SLC39A11: variants seen among roughly 807,000 people sequenced by gnomAD.
The protein encoded by SLC39A11 is zinc transporter ZIP11.
A neutral mutation model predicts 36.1 loss-of-function variants in SLC39A11; 33 were observed. The observed-to-expected ratio is 0.91, with a 90% CI of 0.69 to 1.22. The LOEUF is 1.22. Among genes scored for constraint, SLC39A11 ranks in the 50% most tolerant of loss-of-function variants. SLC39A11 has a pLI of 0.00. For synonymous variants in SLC39A11, 166 were observed against 170.3 expected (o/e 0.97, Z 0.20); for missense variants, 432 against 430.3 (o/e 1.00, Z -0.03).
chr17:73,078,491 T>C (rs2144676596), intron 3 of SLC39A11, among the ~76,000 whole-genome samples: 1 of 133,414 alleles, frequency 7.5e-6, no homozygotes, highest in Middle Eastern at 3.9e-3. Flanking sequence ...GTTTGTTTTT[T>C]GTTGTTTTTT....
intron 7 of SLC39A11, among the ~76,000 whole-genome samples, chr17:72,653,567 G>A (rs1256590403): frequency 6.6e-6 from 1 of 151,842 alleles, no homozygotes; most frequent in East Asian, 1.9e-4. Flanking sequence ...AGCCTCCCCA[G>A]TAGCTGGGAT....
intron 7 of SLC39A11, among the ~76,000 whole-genome samples, chr17:72,699,199 G>A (rs982778276): frequency 1.3e-5 from 2 of 152,036 alleles, no homozygotes; most frequent in Non-Finnish European, 1.5e-5. Flanking sequence ...GGCTTCCCTG[G>A]GCCACACTGG....
chr17:72,679,419 T>G (rs1037634897), intron 7 of SLC39A11, among the ~76,000 whole-genome samples: 1 of 152,160 alleles, frequency 6.6e-6, no homozygotes, highest in African/African-American at 2.4e-5. Flanking sequence ...AATAAAAGAA[T>G]AGTGCTTGAA....
At chr17:72,919,669 C>CA (rs35888661) in intron 5 of SLC39A11, among the ~76,000 whole-genome samples, 9,090 of 68,454 alleles carry the variant, frequency 0.13, 538 homozygotes, top group African/African-American at 0.17. Flanking sequence ...GAGAGTCCGT[C>CA]AAAAAAAAAA....
Position 73,059,603 on chromosome 17 carries a change from C to T in SLC39A11, c.147+25205G>A, listed in dbSNP as rs920207302. On this transcript the variant is annotated intron_variant, in intron 3 of 9. Transcript: ENST00000255559. ...CTGGGAAGCTGAGGTTACAGTAAGC[C>T]GAGATCGCGCCATTGCACTCCAGCC... is the stretch of plus-strand genomic sequence containing the variant. Among the ~76,000 whole-genome samples, 7 of 150,692 alleles carry T rather than the reference C, an allele frequency of 4.6e-5. No individual in the cohort carries two copies. In the East Asian group the frequency reaches 1.4e-3, roughly 29 times the overall value.
intron 4 of SLC39A11, among the ~76,000 whole-genome samples, chr17:72,968,152 T>C (rs1388392607): frequency 6.6e-6 from 1 of 152,088 alleles, no homozygotes; most frequent in African/African-American, 2.4e-5. Flanking sequence ...CTGATGCATG[T>C]CCAGAAAATT....
At chr17:72,931,189 C>A (rs960138033) in intron 5 of SLC39A11, among the ~76,000 whole-genome samples, 1 of 152,032 alleles carries the variant, frequency 6.6e-6, no homozygotes, top group East Asian at 1.9e-4. Flanking sequence ...GAGAGAGCTG[C>A]AAAGGAGTGA....
chr17:72,748,958 C>T (rs2075048767), intron 6 of SLC39A11, among the ~76,000 whole-genome samples: 1 of 152,218 alleles, frequency 6.6e-6, no homozygotes, highest in African/African-American at 2.4e-5. Flanking sequence ...ACCCTCCGGG[C>T]CTCTTTCTGC....
intron 6 of SLC39A11, among the ~76,000 whole-genome samples, chr17:72,794,809 T>G (rs2076839222): frequency 6.6e-6 from 1 of 152,062 alleles, no homozygotes; most frequent in Admixed American, 6.5e-5. Flanking sequence ...TTTTGCTGTA[T>G]AACAAGGTAC....
chr17:72,646,916 C>T lies in SLC39A11; in HGVS notation c.*668G>A, dbSNP rs2069585487. On this transcript the variant is annotated 3_prime_UTR_variant, in exon 10 of 10. Transcript: ENST00000255559. ...CTGTGAGTTCACAGTTGTCCTCATC[C>T]CCTTTCCTTCAATAATGTCAATCTT... 6.6e-6 allele frequency: 1 copy of T among 151,398 alleles called. No homozygotes were observed. The highest frequency in any genetic ancestry group is 2.1e-4 in the South Asian group (1 of 4,746). 9.4% of individuals were successfully genotyped at this position (151,398 alleles called of 1,614,324 possible).
intron 7 of SLC39A11, among the ~76,000 whole-genome samples, chr17:72,714,349 C>T (rs1474530752): frequency 6.6e-6 from 1 of 151,446 alleles, no homozygotes; most frequent in Non-Finnish European, 1.5e-5. Flanking sequence ...GAGTAAGGCT[C>T]TTTCTCTCTC....
intron 4 of SLC39A11, 21 bp downstream of exon 4, chr17:73,031,535 T>C (rs2058738174): frequency 6.2e-7 from 1 of 1,613,752 alleles, no homozygotes; most frequent in Non-Finnish European, 8.5e-7. Context: ...ATACGACAGC[T>C]AAAAGTAGAG....
intron 4 of SLC39A11, among the ~76,000 whole-genome samples, chr17:73,022,212 A>G (rs2058375703): frequency 6.6e-6 from 1 of 152,250 alleles, no homozygotes; most frequent in African/African-American, 2.4e-5. Flanking sequence ...ATATGGCAAG[A>G]AAGAGAGAGT....
intron 5 of SLC39A11, among the ~76,000 whole-genome samples, chr17:72,871,419 A>G (rs932924404): frequency 2.0e-5 from 3 of 152,138 alleles, no homozygotes; most frequent in Non-Finnish European, 2.9e-5. Flanking sequence ...CCTTTTGGAA[A>G]GCCCTTAAGG....
intron 6 of SLC39A11, among the ~76,000 whole-genome samples, chr17:72,799,521 T>C (rs2077013000): frequency 6.6e-6 from 1 of 152,150 alleles, no homozygotes; most frequent in Non-Finnish European, 1.5e-5. Flanking sequence ...CTAAATTCTT[T>C]TCCTAGCAAG....
intron 4 of SLC39A11, among the ~76,000 whole-genome samples, chr17:72,996,843 G>A (rs1204933085): frequency 6.6e-6 from 1 of 152,170 alleles, no homozygotes; most frequent in Admixed American, 6.5e-5. Flanking sequence ...CTTAGCCAGT[G>A]GTATGTGGAT....
chr17:72,937,700 C>T (rs1323555938), intron 5 of SLC39A11, among the ~76,000 whole-genome samples: 1 of 152,156 alleles, frequency 6.6e-6, no homozygotes, highest in African/African-American at 2.4e-5. Context: ...TCCTTGAAGG[C>T]ACGTGTCTCC....
At position 72,834,022 on chromosome 17, in the gene SLC39A11, C is replaced by T. The variant is rs373405191; in HGVS notation, c.601+15612G>A. On this transcript the variant is annotated intron_variant, in intron 6 of 9. Transcript: ENST00000255559. Reference sequence around the variant, plus strand: ...CCCATGACTGAGAACAGCTCTCTTACACTGTCTTCCAGAAATGGAACTCCT... The same window carrying T: ...CCCATGACTGAGAACAGCTCTCTTATACTGTCTTCCAGAAATGGAACTCCT... Among the ~76,000 whole-genome samples, 43 of 152,320 alleles carry T rather than the reference C, an allele frequency of 2.8e-4. 1 individual carries two copies. The highest frequency in any genetic ancestry group is 1.0e-3 in the African/African-American group (43 of 41,574).
chr17:72,861,659 A>T lies in SLC39A11; in HGVS notation c.431-11855T>A, dbSNP rs568124413. Among the ~76,000 whole-genome samples the T allele has an allele frequency of 9.3e-3, 521 of 56,058 alleles. 8 individuals are homozygous for T. Among genetic ancestry groups the T allele is most frequent in the African/African-American group, 0.028 (502 of 18,096 alleles). 36.8% of individuals were successfully genotyped at this position (56,058 alleles called of 152,430 possible). A position where few individuals can be genotyped will look rare whatever the true frequency, so the allele number is the denominator to read the frequency against. The stretch of plus-strand genomic sequence containing the variant: ...ATGCACCATCTATATACAACACATT[A>T]TATATATATATATATATATATATAT... On this transcript the variant is annotated intron_variant, in intron 5 of 9. Transcript: ENST00000255559.
Sources: gnomAD v4.1 joint callset for allele counts (sites outside exome capture counted in the v4.1 genomes callset) on GRCh38, gnomAD v4.1.1 for gene constraint, MANE v1.5 for transcripts, NCBI Gene and HGNC (gene_info 2026-07-23, HGNC 2026-07-21) for gene names.